RUBCN: variants seen among roughly 807,000 people sequenced by gnomAD.
The protein encoded by RUBCN is rubicon autophagy regulator, also known as run domain Beclin-1-interacting and cysteine-rich domain-containing protein.
A neutral mutation model predicts 113.2 loss-of-function variants in RUBCN; 74 were observed. The ratio of observed to expected loss-of-function variants is 0.65; its 90% confidence interval spans 0.54 to 0.79. The LOEUF is 0.79. Ranked by LOEUF, RUBCN falls within the 30% of genes least tolerant of loss-of-function variation. The pLI, the probability that RUBCN is intolerant of heterozygous loss-of-function variation, is 0.00. For missense variants in RUBCN, 1,109 were observed against 1,251.7 expected (o/e 0.89, Z 1.72); for synonymous variants, 480 against 490.0 (o/e 0.98, Z 0.27).
chr3:197,713,900 C>T (rs971297746), intron 2 of RUBCN, among the ~76,000 whole-genome samples: 2 of 151,886 alleles, frequency 1.3e-5, no homozygotes, highest in Admixed American at 6.6e-5. Context: ...CGGTGAAACC[C>T]TGTCTCTACT....
chr3:197,693,531 C>T (rs3886542), intron 11 of RUBCN, among the ~76,000 whole-genome samples, 184 bp downstream of exon 11: 7,949 of 152,272 alleles, frequency 0.052, 750 homozygotes, highest in African/African-American at 0.18. Context: ...GGAACACCTG[C>T]TTCCAGTGTT....
upstream of RUBCN, among the ~76,000 whole-genome samples, chr3:197,737,947 G>A (rs971199434): frequency 6.6e-6 from 1 of 151,936 alleles, no homozygotes; most frequent in African/African-American, 2.4e-5. Context: ...GGGGTGCAGT[G>A]GCGCAATCAT....
At chr3:197,730,810 G>A (rs1727341908) in intron 1 of RUBCN, among the ~76,000 whole-genome samples, 1 of 145,482 alleles carries the variant, frequency 6.9e-6, no homozygotes, top group African/African-American at 2.5e-5. Flanking sequence ...AGACATGCAA[G>A]CCCTGCATCA....
At chr3:197,728,532 A>G (rs1460737879) in intron 1 of RUBCN, among the ~76,000 whole-genome samples, 2 of 152,232 alleles carry the variant, frequency 1.3e-5, no homozygotes, top group African/African-American at 2.4e-5. Context: ...AAATGCGAAG[A>G]AAGTGGCACT....
At position 197,668,957 on chromosome 3, in the gene RUBCN, T is replaced by C. The variant is rs1719564880; in HGVS notation, c.*6061A>G. On this transcript the variant is annotated 3_prime_UTR_variant, in exon 20 of 20. Transcript: ENST00000296343. ...GAAAAAATACTCCACAATGCCACCA[T>C]TCTAACAGAACCACACTAATTTTTA... Among the ~76,000 whole-genome samples the C allele has an allele frequency of 6.6e-6, 1 of 152,198 alleles. No homozygotes were observed. The highest frequency in any genetic ancestry group is 2.1e-4 in the South Asian group (1 of 4,828).
intron 1 of RUBCN, among the ~76,000 whole-genome samples, chr3:197,729,284 GCT>G (rs1001647180): frequency 2.0e-5 from 3 of 151,824 alleles, no homozygotes; most frequent in Non-Finnish European, 4.4e-5. Flanking sequence ...ACGGAGTCTC[GCT>G]CTGTCGCCCA....
Position 197,700,812 on chromosome 3 carries a change from G to T in RUBCN, c.1062C>A (p.Phe354Leu). The T allele has an allele frequency of 6.2e-7, 1 of 1,614,120 alleles. No individual in the cohort carries two copies. The highest frequency in any genetic ancestry group is 8.5e-7 in the Non-Finnish European group (1 of 1,180,008). ...CTGGCTTCTGGGAGCTGCTGGAGGA[G>T]AACAAATTGGAACTGCTGCTCTCGG... ...SNAESSSSNL[F>L]SSSSSQKPDS... The change falls in exon 7 of 20, where the codon TTC becomes TTA. Residue 354 changes from phenylalanine (F) to leucine (L), a missense_variant. Physicochemically the swap from Phe to Leu is conservative, Grantham distance 22. Around this residue, in one of 3 missense-constraint regions of RUBCN, gnomAD observed 736 missense variants for 779.6 expected, o/e 0.94. Coordinates refer to ENST00000296343, the MANE Select transcript of RUBCN (RefSeq NM_014687.4).
At chr3:197,730,885 CTTTTTTTTTTTTTTTTTTT>C (rs71166707) in intron 1 of RUBCN, among the ~76,000 whole-genome samples, 1 of 49,996 alleles carries the variant, frequency 2.0e-5, no homozygotes, top group Non-Finnish European at 3.6e-5. Context: ...TTAAAAGCAT[CTTTTTTTTTTTTTTTTTTT>C]TTTTTTTTTT....
At chr3:197,701,648 G>A (rs747978504) in intron 6 of RUBCN, 60 bp downstream of exon 6, 6 of 1,540,456 alleles carry the variant, frequency 3.9e-6, no homozygotes, top group Non-Finnish European at 5.4e-6. Flanking sequence ...CAACCACAAA[G>A]TCTTCTTACT....
intron 18 of RUBCN, 88 bp downstream of exon 18, chr3:197,676,797 G>T (rs1720482559): frequency 1.2e-6 from 2 of 1,604,864 alleles, no homozygotes; most frequent in Non-Finnish European, 1.7e-6. Flanking sequence ...ACTTCCTCAA[G>T]CTAAGTGGCA....
At chr3:197,739,419 C>A (rs555552219), upstream of RUBCN, among the ~76,000 whole-genome samples, 2 of 145,688 alleles carry the variant, frequency 1.4e-5, no homozygotes, top group African/African-American at 2.5e-5. Flanking sequence ...AAAGGCCGGG[C>A]GTGGTGGCTC....
chr3:197,714,468 G>GCAC (rs1224574476), intron 2 of RUBCN, among the ~76,000 whole-genome samples: 1 of 152,122 alleles, frequency 6.6e-6, no homozygotes, highest in African/African-American at 2.4e-5. Context: ...CTACAGGCAT[G>GCAC]CACCACCATG....
At chr3:197,693,322 T>C (rs939982841) in intron 11 of RUBCN, among the ~76,000 whole-genome samples, 4 of 152,240 alleles carry the variant, frequency 2.6e-5, no homozygotes, top group Non-Finnish European at 5.9e-5. Context: ...CCAATGATTC[T>C]TTTTGTCCTT....
In RUBCN at chr3:197,701,740, C is replaced by A; in HGVS notation, c.695G>T (p.Ser232Ile). ...ATTGTTGGGCACGGATTGGTGGAGGCTAGAGAAGGACCCAAAGTAGGAATG... is the reference window on the plus strand; with the variant it reads ...ATTGTTGGGCACGGATTGGTGGAGGATAGAGAAGGACCCAAAGTAGGAATG... ...AQHSYFGSFS[S>I]LHQSVPNNGS... The change falls in exon 6 of 20, where the codon AGC (serine) becomes ATC (isoleucine). Residue 232 changes from serine to isoleucine, a missense_variant. This residue lies in a region of RUBCN where 736 missense variants were observed against 779.6 expected (regional missense o/e 0.94). Transcript: ENST00000296343. The A allele has an allele frequency of 1.9e-6, 3 of 1,614,098 alleles. No homozygotes were observed. Among genetic ancestry groups the A allele is most frequent in the Non-Finnish European group, 2.5e-6 (3 of 1,179,998 alleles).
At position 197,676,828 on chromosome 3, in the gene RUBCN, C is replaced by A. The variant is rs563740771; in HGVS notation, c.2646+57G>T. The stretch of plus-strand genomic sequence containing the variant: ...TGGCAAGAACCCCAGGTCCACCCCC[C>A]TCCCTGTATCCCTAAAAGCAAGGGC... On this transcript the variant is annotated intron_variant, in intron 18 of 19. Coordinates refer to ENST00000296343, the MANE Select transcript of RUBCN (RefSeq NM_014687.4). 6.3e-5 allele frequency: 102 copies of A among 1,612,874 alleles called. No homozygotes were observed. In the African/African-American group the frequency reaches 7.6e-4, roughly 12 times the overall value.
chr3:197,694,613 A>T, intron 9 of RUBCN, 28 bp from the exon 10 acceptor site: 9 of 1,579,626 alleles, frequency 5.7e-6, no homozygotes, highest in Non-Finnish European at 7.8e-6. Context: ...CCAAACAGGC[A>T]AAGGGTTAGA....
intron 1 of RUBCN, among the ~76,000 whole-genome samples, chr3:197,743,159 C>T (rs1012217670): frequency 9.2e-5 from 14 of 152,302 alleles, no homozygotes; most frequent in African/African-American, 3.1e-4. Flanking sequence ...CTCCGGAGCT[C>T]TTGAGTTTCT....
At chr3:197,710,984 C>A (rs939674916) in intron 2 of RUBCN, among the ~76,000 whole-genome samples, 2 of 152,110 alleles carry the variant, frequency 1.3e-5, no homozygotes, top group East Asian at 3.9e-4. Flanking sequence ...TGCCACTAAG[C>A]CCAGCTAATT....
chr3:197,725,468 G>A (rs996499715), intron 1 of RUBCN, among the ~76,000 whole-genome samples: 31 of 151,364 alleles, frequency 2.0e-4, no homozygotes, highest in African/African-American at 7.0e-4. Flanking sequence ...GGGGCACCTG[G>A]GAGAATGTAA....
Sources: allele counts gnomAD v4.1 joint callset (sites outside exome capture counted in the v4.1 genomes callset), GRCh38; gene constraint gnomAD v4.1.1; regional missense constraint gnomAD v4.1.1; transcripts MANE v1.5; gene names NCBI Gene and HGNC (gene_info 2026-07-23, HGNC 2026-07-21).